GPHN: variants seen among roughly 807,000 people sequenced by gnomAD.
GPHN encodes the protein gephyrin.
GPHN carries 17 observed loss-of-function variants against 95.5 expected under a neutral mutation model. The ratio of observed to expected loss-of-function variants is 0.18; its 90% CI spans 0.12 to 0.27. The LOEUF (loss-of-function observed/expected upper bound fraction) is 0.27. Among genes scored for constraint, GPHN ranks in the 10% least tolerant of loss-of-function variants. The pLI is 1.00. For missense variants in GPHN, 660 were observed against 978.1 expected (o/e 0.67, Z 4.34); for synonymous variants, 320 against 322.5 (o/e 0.99, Z 0.08).
the GPHN span, chr14:67,584,029 A>G: frequency 6.2e-7 from 1 of 1,614,042 alleles, no homozygotes. Flanking sequence ...AAAATGGGCA[A>G]CATTGCAAGG....
chr14:67,226,608 G>A, the GPHN span, among the ~76,000 whole-genome samples: 22,494 of 152,016 alleles, frequency 0.15, 3,108 homozygotes, highest in East Asian at 0.42. Context: ...TGATCCGCCC[G>A]CCTCAGCCTC....
At chr14:67,176,525 G>A (rs1326666232) in intron 21 of GPHN, among the ~76,000 whole-genome samples, 1 of 152,140 alleles carries the variant, frequency 6.6e-6, no homozygotes, top group African/African-American at 2.4e-5. Flanking sequence ...CAGGATATTG[G>A]CCTAAAATTC....
chr14:66,945,613 C>T (rs980115456), intron 8 of GPHN, among the ~76,000 whole-genome samples: 43 of 151,902 alleles, frequency 2.8e-4, no homozygotes, highest in Non-Finnish European at 1.5e-5. Context: ...CTGCTTCCCC[C>T]AAAAAACCTA....
intron 10 of GPHN, among the ~76,000 whole-genome samples, chr14:67,058,031 C>CA (rs199903512): frequency 0.013 from 1,907 of 150,916 alleles, 21 homozygotes; most frequent in Non-Finnish European, 0.018. Context: ...CAGCCTATCA[C>CA]AAAAAAAAAC....
At chr14:67,248,281 G>A in the GPHN span, among the ~76,000 whole-genome samples, 65 of 152,024 alleles carry the variant, frequency 4.3e-4, no homozygotes, top group Non-Finnish European at 8.4e-4. Context: ...AGCCAATTGG[G>A]AGGCTGAGGT....
At position 66,617,819 on chromosome 14, in the gene GPHN, T is replaced by C. The variant is rs2063114762; in HGVS notation, c.65-63288T>C. On this transcript the variant is annotated intron_variant, in intron 1 of 22. Coordinates refer to ENST00000478722, the MANE Select transcript of GPHN (RefSeq NM_020806.5). ...TGTGTAGTGAATTACATTGATTGCA[T>C]TCTTGAAATATTAAACCTTCCATGT... Among the ~76,000 whole-genome samples, 3 of 152,230 alleles carry C rather than the reference T, an allele frequency of 2.0e-5. No homozygotes were observed. The South Asian group carries it at 6.2e-4, about 31-fold the overall frequency.
At chr14:67,217,546 T>C in the GPHN span, among the ~76,000 whole-genome samples, 122 of 152,290 alleles carry the variant, frequency 8.0e-4, no homozygotes, top group Non-Finnish European at 1.3e-3. Context: ...GATAAGGTTT[T>C]ATTGCTTTCT....
At chr14:67,402,514 C>T in the GPHN span, among the ~76,000 whole-genome samples, 2 of 151,992 alleles carry the variant, frequency 1.3e-5, no homozygotes, top group African/African-American at 4.8e-5. Flanking sequence ...AATAGTAAGT[C>T]TTTCTCATTC....
chr14:66,518,341 A>G (rs1594794625), intron 1 of GPHN, among the ~76,000 whole-genome samples: 1 of 152,084 alleles, frequency 6.6e-6, no homozygotes, highest in East Asian at 1.9e-4. Flanking sequence ...AGAATGACAA[A>G]TGCTGCCAAG....
At chr14:67,067,206 T>C (rs1001452382) in intron 11 of GPHN, among the ~76,000 whole-genome samples, 4 of 152,178 alleles carry the variant, frequency 2.6e-5, no homozygotes, top group African/African-American at 9.7e-5. Context: ...TGCAGATCTG[T>C]TGGAGTTTGC....
intron 5 of GPHN, among the ~76,000 whole-genome samples, chr14:66,891,181 A>G: frequency 6.6e-6 from 1 of 152,118 alleles, no homozygotes; most frequent in East Asian, 1.9e-4. Flanking sequence ...TAGAAAACCC[A>G]AGATTCCACA....
chr14:66,570,272 A>G lies in GPHN; in HGVS notation c.64+61681A>G, dbSNP rs541007982. On this transcript the variant is annotated intron_variant, in intron 1 of 22. Coordinates refer to ENST00000478722, the MANE Select transcript of GPHN (RefSeq NM_020806.5). ...ATAAAACATGGGAGTGCAGATATCT[A>G]TTTGACATACTGATTTCATGTACTT... Among the ~76,000 whole-genome samples the G allele has an allele frequency of 2.6e-3, 355 of 135,240 alleles. 3 individuals are homozygous for G. Among genetic ancestry groups the G allele is most frequent in the African/African-American group, 9.2e-3 (334 of 36,210 alleles). The allele number at this position is 135,240 out of a possible 152,430, so 88.7% of individuals were successfully genotyped here.
chr14:67,030,129 C>T (rs992341000), intron 10 of GPHN, among the ~76,000 whole-genome samples: 2 of 151,926 alleles, frequency 1.3e-5, no homozygotes, highest in Non-Finnish European at 2.9e-5. Context: ...ATCTATAACT[C>T]CAATCCATAT....
At chr14:67,063,661 G>T (rs2075916659) in intron 11 of GPHN, among the ~76,000 whole-genome samples, 1 of 152,120 alleles carries the variant, frequency 6.6e-6, no homozygotes, top group Non-Finnish European at 1.5e-5. Flanking sequence ...CTTGTAAATT[G>T]GATTCCTAGG....
At chr14:67,562,744 G>A in the GPHN span, 1 of 1,613,788 alleles carries the variant, frequency 6.2e-7, no homozygotes, top group Non-Finnish European at 8.5e-7. Flanking sequence ...CTAGGTCCCG[G>A]GAGGAACCAG....
the GPHN span, among the ~76,000 whole-genome samples, chr14:67,442,428 T>TTGTG: frequency 2.6e-5 from 4 of 151,944 alleles, no homozygotes; most frequent in African/African-American, 4.8e-5. Context: ...AATAGAAAAA[T>TTGTG]TGTGTGTGTG....
chr14:66,961,904 A>ATG (rs2068939376), intron 8 of GPHN, among the ~76,000 whole-genome samples: 1 of 56,784 alleles, frequency 1.8e-5, no homozygotes, highest in South Asian at 5.6e-4. Flanking sequence ...GAATGTGTAT[A>ATG]TATATATATA....
At chr14:67,563,139 C>T in the GPHN span, among the ~76,000 whole-genome samples, 1 of 152,240 alleles carries the variant, frequency 6.6e-6, no homozygotes, top group South Asian at 2.1e-4. Context: ...ATACATTGAG[C>T]TGGGTGCCCT....
the GPHN span, among the ~76,000 whole-genome samples, chr14:67,706,945 G>T: frequency 2.0e-5 from 3 of 152,114 alleles, no homozygotes; most frequent in Non-Finnish European, 2.9e-5. Context: ...GAGAAATTAG[G>T]GGGAGGAAGG....
Sources: allele counts gnomAD v4.1 joint callset (sites outside exome capture counted in the v4.1 genomes callset), GRCh38; gene constraint gnomAD v4.1.1; transcripts MANE v1.5; gene names NCBI Gene and HGNC (gene_info 2026-07-23, HGNC 2026-07-21).